Variants in KLF7 observed in about 807,000 individuals in gnomAD.
KLF7 encodes the protein KLF transcription factor 7, also known as Krueppel-like factor 7.
A neutral mutation model predicts 27.3 loss-of-function variants in KLF7; 2 were observed. The observed-to-expected ratio is 0.07, with a 90% CI of 0.03 to 0.23. KLF7 has a LOEUF of 0.23. Among genes scored for constraint, KLF7 ranks in the 10% least tolerant of loss-of-function variants. KLF7 has a pLI of 1.00. For missense variants in KLF7, 221 were observed against 394.1 expected (o/e 0.56, Z 3.72); for synonymous variants, 165 against 162.4 (o/e 1.02, Z -0.12).
chr2:207,139,490 GT>G (rs57358721), intron 1 of KLF7, among the ~76,000 whole-genome samples: 43,828 of 149,134 alleles, frequency 0.29, 6,665 homozygotes, highest in Middle Eastern at 0.38. Context: ...TAACAATTAG[GT>G]TTTTTTTTTT....
chr2:207,119,423 A>AC (rs1553528863), intron 2 of KLF7, among the ~76,000 whole-genome samples: 2 of 152,104 alleles, frequency 1.3e-5, no homozygotes, highest in South Asian at 2.1e-4. Flanking sequence ...AACTATTAAG[A>AC]TTTTTAAAAA....
At chr2:207,121,837 A>T (rs942407121) in intron 2 of KLF7, 2 of 152,266 alleles carry the variant, frequency 1.3e-5, no homozygotes, top group African/African-American at 4.8e-5. Context: ...ATAAGAAAGA[A>T]GAAAAAAATG....
At chr2:207,106,453 T>C (rs1237820130) in intron 2 of KLF7, among the ~76,000 whole-genome samples, 1 of 152,030 alleles carries the variant, frequency 6.6e-6, no homozygotes. Context: ...GCCCATGAGA[T>C]GAAAAAAAAT....
intron 2 of KLF7, among the ~76,000 whole-genome samples, chr2:207,119,735 A>ACT (rs2077285625): frequency 6.6e-6 from 1 of 151,992 alleles, no homozygotes; most frequent in African/African-American, 2.4e-5. Context: ...ACGGTGTCTC[A>ACT]CTCTGTCACC....
intron 2 of KLF7, among the ~76,000 whole-genome samples, chr2:207,096,629 C>A (rs1308155607): frequency 2.0e-5 from 3 of 152,104 alleles, no homozygotes; most frequent in Non-Finnish European, 4.4e-5. Flanking sequence ...AACCAAAAGG[C>A]TCAAAGAAGC....
chr2:207,114,608 A>AT (rs1464970561), intron 2 of KLF7, among the ~76,000 whole-genome samples: 1 of 152,188 alleles, frequency 6.6e-6, no homozygotes, highest in Non-Finnish European at 1.5e-5. Flanking sequence ...AGAATCCTGC[A>AT]TTTTTTAGGG....
At chr2:207,084,577 T>G (rs939434011) in intron 3 of KLF7, among the ~76,000 whole-genome samples, 2 of 152,176 alleles carry the variant, frequency 1.3e-5, no homozygotes, top group Non-Finnish European at 2.9e-5. Context: ...ACCAGGTCCC[T>G]TACTATTGAG....
At chr2:207,127,115 C>T (rs13406238) in intron 1 of KLF7, among the ~76,000 whole-genome samples, 15,044 of 151,754 alleles carry the variant, frequency 0.099, 1,754 homozygotes, top group African/African-American at 0.28. Context: ...CTGGTGTGAA[C>T]TGCAGGAGCA....
chr2:207,114,934 G>T (rs1559133100), intron 2 of KLF7, among the ~76,000 whole-genome samples: 1 of 151,998 alleles, frequency 6.6e-6, no homozygotes, highest in East Asian at 1.9e-4. Flanking sequence ...TACATTATTT[G>T]CCTGAAAACA....
chr2:207,083,691 T>TA (rs1385602369), intron 3 of KLF7, among the ~76,000 whole-genome samples: 1 of 152,220 alleles, frequency 6.6e-6, no homozygotes, highest in Non-Finnish European at 1.5e-5. Context: ...GATAAAGAAT[T>TA]AAAGTTGTGG....
At chr2:207,158,880 C>A (rs1376480028) in intron 1 of KLF7, among the ~76,000 whole-genome samples, 1 of 152,178 alleles carries the variant, frequency 6.6e-6, no homozygotes, top group East Asian at 1.9e-4. Context: ...AAGGTATATT[C>A]AGGTGACAGA....
upstream of KLF7, among the ~76,000 whole-genome samples, chr2:207,167,829 A>G (rs2078752682): frequency 4.6e-5 from 7 of 152,234 alleles, no homozygotes; most frequent in Admixed American, 3.9e-4. Flanking sequence ...TGAAGAGTCA[A>G]AATATCTTTG....
At chr2:207,089,354 T>C (rs1275124058) in intron 2 of KLF7, among the ~76,000 whole-genome samples, 3 of 152,226 alleles carry the variant, frequency 2.0e-5, no homozygotes, top group Non-Finnish European at 4.4e-5. Context: ...AAGCTGCTTA[T>C]AAGCATGAAA....
chr2:207,170,682 T>C (rs564362335), upstream of KLF7, among the ~76,000 whole-genome samples: 26 of 152,308 alleles, frequency 1.7e-4, 2 homozygotes, highest in African/African-American at 6.0e-4. Context: ...CTACATCTAC[T>C]CTACCTGTGT....
chr2:207,098,778 A>AT (rs1182598901), intron 2 of KLF7, among the ~76,000 whole-genome samples: 59,874 of 103,522 alleles, frequency 0.58, 19,245 homozygotes, highest in Admixed American at 0.72. Flanking sequence ...CACTTGGCTA[A>AT]TTTTTTTTTT....
intron 1 of KLF7, among the ~76,000 whole-genome samples, chr2:207,132,449 C>T (rs2077661464): frequency 6.6e-6 from 1 of 152,168 alleles, no homozygotes; most frequent in Non-Finnish European, 1.5e-5. Flanking sequence ...CTATCAAAAC[C>T]TCTTCCATGT....
rs111581146 is a variant in KLF7, at chr2:207,123,380, A to C, written c.733+394T>G. ...AGGGACACCCTAGCTACCTTGTTTAACTGTGAATGCTTTCAAATGCATCCT... is the reference window on the plus strand; with the variant it reads ...AGGGACACCCTAGCTACCTTGTTTACCTGTGAATGCTTTCAAATGCATCCT... On this transcript the variant is annotated intron_variant, in intron 2 of 3. Coordinates refer to ENST00000309446, the MANE Select transcript of KLF7 (RefSeq NM_003709.4). Among the ~76,000 whole-genome samples the C allele has an allele frequency of 5.0e-3, 769 of 152,300 alleles. 9 individuals carry two copies. Among genetic ancestry groups the C allele is most frequent in the African/African-American group, 0.018 (739 of 41,552 alleles).
chr2:207,117,941 G>A (rs559310328), intron 2 of KLF7, among the ~76,000 whole-genome samples: 3 of 152,250 alleles, frequency 2.0e-5, no homozygotes, highest in Admixed American at 6.5e-5. Context: ...GTTCTCCTTT[G>A]CTGGTCACTC....
rs1247784362 is a variant in KLF7 at position 207,124,125 on chromosome 2, C to T, written c.382G>A (p.Ala128Thr). The T allele has an allele frequency of 2.5e-6, 4 of 1,614,134 alleles. No homozygotes were observed. The highest frequency in any genetic ancestry group is 3.4e-6 in the Non-Finnish European group (4 of 1,180,034). Residue 128 changes from alanine (A) to threonine (T), a missense_variant, in exon 2 of 4, where the codon GCC becomes ACC. By Grantham distance (58) the Ala-to-Thr change is moderately conservative (BLOSUM62 0). This residue lies in a region of KLF7 where 180 missense variants were observed against 227.9 expected (regional missense o/e 0.79). Transcript: ENST00000309446. The part of the protein sequence containing the change: ...SLDSYTAVNQ[A>T]QLNAVTSLTP... ...AATGAGGTCACTGCGTTGAGCTGGG[C>T]CTGGTTGACGGCTGTGTAGCTGTCT...
Sources: gnomAD v4.1 joint callset for allele counts (sites outside exome capture counted in the v4.1 genomes callset) on GRCh38, gnomAD v4.1.1 for gene constraint, gnomAD v4.1.1 regional missense constraint, MANE v1.5 for transcripts, NCBI Gene and HGNC (gene_info 2026-07-23, HGNC 2026-07-21) for gene names.